TBC1D31: variants seen among roughly 807,000 people sequenced by gnomAD.
TBC1D31 encodes the protein TBC1 domain family member 31.
Under a neutral mutation model 132.9 loss-of-function variants are expected in TBC1D31, and 99 were observed. The ratio of observed to expected loss-of-function variants is 0.74; its 90% CI spans 0.63 to 0.88. The LOEUF (loss-of-function observed/expected upper bound fraction) is 0.88, where lower values mean the gene tolerates loss of function less well. Ranked by LOEUF, TBC1D31 falls within the 40% of genes least tolerant of loss-of-function variation. The pLI is 0.00. For missense variants in TBC1D31, 1,134 were observed against 1,256.6 expected (o/e 0.90, Z 1.48); for synonymous variants, 385 against 419.4 (o/e 0.92, Z 1.00).
chr8:123,132,512 C>T (rs1479304812), intron 16 of TBC1D31, among the ~76,000 whole-genome samples: 1 of 133,924 alleles, frequency 7.5e-6, no homozygotes, highest in Non-Finnish European at 1.5e-5. Flanking sequence ...CTCCCGGATT[C>T]AAGCAATTCT....
chr8:123,134,168 C>A lies in TBC1D31; in HGVS notation c.2461C>A (p.Gln821Lys). ...AATARDLEMR[Q>K]LELESQKRLY... is the part of the protein sequence containing the mutation. Reference sequence around the variant, plus strand: ...CACAGCCAGAGACCTAGAAATGAGACAGCTGGAACTCGAATCACAAAAGAG... The same window carrying A: ...CACAGCCAGAGACCTAGAAATGAGAAAGCTGGAACTCGAATCACAAAAGAG... Residue 821 changes from glutamine to lysine, a missense_variant, in exon 17 of 22, where the codon CAG (glutamine) becomes AAG (lysine). Coordinates refer to ENST00000287380, the MANE Select transcript of TBC1D31 (RefSeq NM_145647.4). 6.2e-7 allele frequency: 1 copy of A among 1,613,904 alleles called. No homozygotes were observed. The highest frequency in any genetic ancestry group is 8.5e-7 in the Non-Finnish European group (1 of 1,179,894).
rs553902883 is a variant in TBC1D31, at chr8:123,106,873, T to C, written c.1209+1409T>C. Reference sequence around the variant, plus strand: ...AAAATCAGCAAAGGGAAAAGACACATGGGGTGAAGTCCAGAAGAAACCAGG... The same window carrying C: ...AAAATCAGCAAAGGGAAAAGACACACGGGGTGAAGTCCAGAAGAAACCAGG... On this transcript the variant is annotated intron_variant, in intron 8 of 21. Transcript: ENST00000287380. Among the ~76,000 whole-genome samples, 839 of 152,306 alleles carry C rather than the reference T, an allele frequency of 5.5e-3. 9 individuals carry two copies. Among genetic ancestry groups the C allele is most frequent in the African/African-American group, 0.019 (803 of 41,560 alleles).
At chr8:123,099,362 C>T (rs372256883) in intron 6 of TBC1D31, among the ~76,000 whole-genome samples, 17 of 152,246 alleles carry the variant, frequency 1.1e-4, no homozygotes, top group African/African-American at 3.4e-4. Context: ...CCTCGTGATC[C>T]GCCCGTGTCG....
the TBC1D31 span, among the ~76,000 whole-genome samples, chr8:123,165,099 A>G: frequency 6.6e-5 from 10 of 152,318 alleles, no homozygotes; most frequent in African/African-American, 2.2e-4. Context: ...GAGAATGCAG[A>G]AGAAACCAAT....
At chr8:123,080,668 C>G (rs1815055651) in intron 2 of TBC1D31, among the ~76,000 whole-genome samples, 1 of 150,836 alleles carries the variant, frequency 6.6e-6, no homozygotes, top group African/African-American at 2.4e-5. Context: ...TCCCAAGTAG[C>G]TGGGACTACA....
intron 10 of TBC1D31, among the ~76,000 whole-genome samples, chr8:123,116,269 AC>A (rs988366802): frequency 1.8e-4 from 27 of 152,302 alleles, no homozygotes; most frequent in African/African-American, 6.3e-4. Flanking sequence ...CATATCTTAC[AC>A]CATATAAATT....
intron 5 of TBC1D31, 132 bp from the exon 6 acceptor site, chr8:123,097,150 C>A: frequency 1.3e-6 from 1 of 792,370 alleles, no homozygotes; most frequent in East Asian, 2.7e-5. Context: ...GCTCAATAAT[C>A]ACATGGGACT....
chr8:123,146,061 G>T (rs1485967236), intron 20 of TBC1D31, among the ~76,000 whole-genome samples: 1 of 151,682 alleles, frequency 6.6e-6, no homozygotes, highest in African/African-American at 2.4e-5. Context: ...GTAGAGATGG[G>T]TTTTCGCCAT....
chr8:123,097,056 G>A (rs147998795), intron 5 of TBC1D31, among the ~76,000 whole-genome samples: 1,836 of 152,170 alleles, frequency 0.012, 20 homozygotes, highest in Middle Eastern at 0.024. Context: ...ATAAACCTGA[G>A]CTGTCCATGC....
chr8:123,153,603 T>C (rs1203045388), downstream of TBC1D31, among the ~76,000 whole-genome samples: 1 of 152,240 alleles, frequency 6.6e-6, no homozygotes, highest in Non-Finnish European at 1.5e-5. Context: ...CTCAGTCATA[T>C]GTGCTTGGTT....
intron 10 of TBC1D31, among the ~76,000 whole-genome samples, chr8:123,116,529 GATAA>G (rs1818922521): frequency 6.6e-6 from 1 of 152,118 alleles, no homozygotes; most frequent in African/African-American, 2.4e-5. Flanking sequence ...CGTATATGCA[GATAA>G]ATAGACACAG....
rs780472552 is a variant in TBC1D31, at chr8:123,082,730, G to C, written c.253G>C (p.Ala85Pro). Residue 85 changes from alanine to proline, a missense_variant, in exon 3 of 22, where the codon GCT becomes CCT. Coordinates refer to ENST00000287380, the MANE Select transcript of TBC1D31 (RefSeq NM_145647.4). ...CAATCTTGTTCAGCGAACAGCACAAGCTTGCACAGCTCTGGCCTTTAATCT... is the reference window on the plus strand; with the variant it reads ...CAATCTTGTTCAGCGAACAGCACAACCTTGCACAGCTCTGGCCTTTAATCT... ...RFNLVQRTAQ[A>P]CTALAFNLRR... The C allele has an allele frequency of 6.2e-7, 1 of 1,612,696 alleles. No homozygotes were observed. The highest frequency in any genetic ancestry group is 1.1e-5 in the South Asian group (1 of 91,070).
rs142505887 is a variant in TBC1D31 at position 123,109,488 on chromosome 8, G to T, written c.1304G>T (p.Arg435Leu). ...TTTTATTTCAGAATGTTCATTTGGCGCTCTCTGCTACAACTGCCTGAAAAT... is the reference window on the plus strand; with the variant it reads ...TTTTATTTCAGAATGTTCATTTGGCTCTCTCTGCTACAACTGCCTGAAAAT... ...YPTKYRMFIW[R>L]SLLQLPENHT... The change falls in exon 10 of 22, where the codon CGC (arginine) becomes CTC (leucine). Residue 435 changes from arginine (R) to leucine (L), a missense_variant. By Grantham distance (102) the Arg-to-Leu change is moderately radical. Coordinates refer to ENST00000287380, the MANE Select transcript of TBC1D31 (RefSeq NM_145647.4). The T allele has an allele frequency of 6.2e-7, 1 of 1,613,048 alleles. No individual in the cohort carries two copies. The highest frequency in any genetic ancestry group is 8.5e-7 in the Non-Finnish European group (1 of 1,179,682).
chr8:123,157,302 C>A, the TBC1D31 span, among the ~76,000 whole-genome samples: 12 of 152,204 alleles, frequency 7.9e-5, no homozygotes, highest in African/African-American at 1.9e-4. Context: ...GCTAACGAGG[C>A]ACCTAGTAAG....
chr8:123,154,103 A>G (rs1822930445), downstream of TBC1D31, among the ~76,000 whole-genome samples: 1 of 152,210 alleles, frequency 6.6e-6, no homozygotes, highest in Non-Finnish European at 1.5e-5. Flanking sequence ...CAGTCATTGC[A>G]TGTGGGTCGT....
chr8:123,117,131 A>G (rs1397355213), intron 10 of TBC1D31, among the ~76,000 whole-genome samples: 3 of 152,104 alleles, frequency 2.0e-5, no homozygotes, highest in East Asian at 3.9e-4. Context: ...CCTGGCCAAC[A>G]TGGTGAAACC....
At chr8:123,120,287 T>C (rs1457444036) in intron 11 of TBC1D31, 99 bp downstream of exon 11, 4 of 979,812 alleles carry the variant, frequency 4.1e-6, no homozygotes, top group Non-Finnish European at 5.8e-6. Flanking sequence ...TCTAGATGTC[T>C]CTACTTTTAA....
chr8:123,153,965 C>T (rs1019476189), downstream of TBC1D31, among the ~76,000 whole-genome samples: 12 of 152,224 alleles, frequency 7.9e-5, no homozygotes, highest in Non-Finnish European at 7.3e-5. Flanking sequence ...AATATGAATT[C>T]AGTGGTGCTA....
At chr8:123,099,268 T>C (rs1365488794) in intron 6 of TBC1D31, among the ~76,000 whole-genome samples, 3 of 152,006 alleles carry the variant, frequency 2.0e-5, no homozygotes, top group Non-Finnish European at 4.4e-5. Flanking sequence ...TATAGGCGCC[T>C]GCCACCACGC....
Sources: allele counts gnomAD v4.1 joint callset (sites outside exome capture counted in the v4.1 genomes callset), GRCh38; gene constraint gnomAD v4.1.1; transcripts MANE v1.5; gene names NCBI Gene and HGNC (gene_info 2026-07-23, HGNC 2026-07-21).